SGCD: variants seen among roughly 807,000 people sequenced by gnomAD.
SGCD encodes the protein sarcoglycan delta.
SGCD carries 18 observed loss-of-function variants against 36.6 expected under a neutral mutation model. The ratio of observed to expected loss-of-function variants is 0.49; its 90% CI spans 0.34 to 0.73. SGCD has a LOEUF of 0.73. SGCD is among the 30% of genes least tolerant of loss of function. The pLI is 0.01. For missense variants in SGCD, 387 were observed against 346.7 expected, an observed-to-expected ratio of 1.12 and a Z score of -0.92; for synonymous variants, 133 against 130.6, an observed-to-expected ratio of 1.02 and a Z score of -0.12.
chr5:156,173,967 A>T (rs563761685), intron 3 of SGCD, among the ~76,000 whole-genome samples: 8 of 152,364 alleles, frequency 5.3e-5, no homozygotes, highest in Non-Finnish European at 1.0e-4. Context: ...TCATACACAT[A>T]CAATGAGCAT....
At chr5:156,270,324 T>C (rs1377523658) in intron 3 of SGCD, among the ~76,000 whole-genome samples, 1 of 152,198 alleles carries the variant, frequency 6.6e-6, no homozygotes, top group East Asian at 1.9e-4. Flanking sequence ...TTGTTCTTTT[T>C]GCTTAGGCCT....
the SGCD span, among the ~76,000 whole-genome samples, chr5:155,772,212 A>C: frequency 6.6e-6 from 1 of 152,164 alleles, no homozygotes; most frequent in Admixed American, 6.6e-5. Flanking sequence ...TCACTCTCAC[A>C]TATAAGGAGG....
At chr5:156,745,618 C>T (rs1756907159) in intron 7 of SGCD, among the ~76,000 whole-genome samples, 1 of 151,894 alleles carries the variant, frequency 6.6e-6, no homozygotes. Flanking sequence ...CAATGTAGAC[C>T]CACAGAGGCT....
chr5:156,086,464 G>A (rs1269607440), intron 1 of SGCD, among the ~76,000 whole-genome samples: 2 of 152,210 alleles, frequency 1.3e-5, no homozygotes, highest in African/African-American at 2.4e-5. Context: ...CAAAATGCAA[G>A]AGTTTAAGAA....
intron 1 of SGCD, among the ~76,000 whole-genome samples, chr5:155,896,158 T>C (rs923682896): frequency 2.6e-5 from 4 of 152,144 alleles, no homozygotes; most frequent in African/African-American, 9.7e-5. Context: ...GATTTTCAGT[T>C]TGGGTAAGTC....
chr5:156,021,881 G>T (rs754879348), intron 1 of SGCD, among the ~76,000 whole-genome samples: 2 of 152,134 alleles, frequency 1.3e-5, no homozygotes, highest in Non-Finnish European at 2.9e-5. Context: ...TCTTTATTCA[G>T]ATGTAATTCA....
intron 7 of SGCD, among the ~76,000 whole-genome samples, chr5:156,756,505 A>G (rs1211729418): frequency 1.3e-5 from 2 of 152,208 alleles, no homozygotes; most frequent in African/African-American, 2.4e-5. Flanking sequence ...GTGCCACTGC[A>G]CTCCAGCCTG....
chr5:156,343,082 A>G (rs556243814), intron 2 of SGCD, among the ~76,000 whole-genome samples: 6 of 149,890 alleles, frequency 4.0e-5, no homozygotes, highest in Admixed American at 3.3e-4. Flanking sequence ...TTTAGATTTT[A>G]TGTGTCCATT....
At chr5:156,612,136 T>A (rs1035867679) in intron 6 of SGCD, among the ~76,000 whole-genome samples, 1 of 152,226 alleles carries the variant, frequency 6.6e-6, no homozygotes, top group African/African-American at 2.4e-5. Context: ...GTTGTTTTGC[T>A]TTTTTATGTT....
chr5:156,423,557 C>T (rs1164829016), intron 3 of SGCD, among the ~76,000 whole-genome samples: 1 of 149,602 alleles, frequency 6.7e-6, no homozygotes, highest in Non-Finnish European at 1.5e-5. Context: ...TAATATCTAG[C>T]ATCATTTCTT....
At chr5:155,841,153 A>G in the SGCD span, among the ~76,000 whole-genome samples, 3 of 152,120 alleles carry the variant, frequency 2.0e-5, no homozygotes, top group African/African-American at 4.8e-5. Context: ...CTGAAGGGTC[A>G]CTGAAAATCA....
intron 7 of SGCD, among the ~76,000 whole-genome samples, chr5:156,724,390 G>T (rs1022033828): frequency 1.3e-5 from 2 of 152,166 alleles, no homozygotes; most frequent in Non-Finnish European, 2.9e-5. Context: ...AGATCACGAG[G>T]TCAGGAGATA....
intron 6 of SGCD, among the ~76,000 whole-genome samples, chr5:156,632,535 T>C (rs1399126587): frequency 1.3e-5 from 2 of 152,326 alleles, no homozygotes. Flanking sequence ...AAGCTTTATT[T>C]TTTATTGACC....
At chr5:156,505,791 A>G (rs961069771) in intron 3 of SGCD, among the ~76,000 whole-genome samples, 14 of 152,176 alleles carry the variant, frequency 9.2e-5, no homozygotes, top group African/African-American at 3.4e-4. Flanking sequence ...ACACACACAC[A>G]CACACACACA....
At chr5:155,962,443 C>T (rs1757810671) in intron 1 of SGCD, among the ~76,000 whole-genome samples, 1 of 152,104 alleles carries the variant, frequency 6.6e-6, no homozygotes, top group African/African-American at 2.4e-5. Flanking sequence ...TGAGGACTCG[C>T]ATTGCCCTCG....
chr5:156,273,234 T>A (rs1766225935), intron 3 of SGCD, among the ~76,000 whole-genome samples: 1 of 152,204 alleles, frequency 6.6e-6, no homozygotes. Context: ...TCCCTTACCA[T>A]TCCCTTAAGT....
At chr5:155,897,107 G>T (rs1756280906) in intron 1 of SGCD, among the ~76,000 whole-genome samples, 1 of 152,060 alleles carries the variant, frequency 6.6e-6, no homozygotes, top group South Asian at 2.1e-4. Context: ...TCATCTTAGT[G>T]CAAAAATCAC....
chr5:156,077,046 A>G (rs1398510389), intron 1 of SGCD, among the ~76,000 whole-genome samples: 1 of 152,216 alleles, frequency 6.6e-6, no homozygotes, highest in African/African-American at 2.4e-5. Flanking sequence ...CAATAAGTAT[A>G]CTTGGTCAAC....
At chr5:155,989,683 A>G (rs1410955956) in intron 1 of SGCD, among the ~76,000 whole-genome samples, 2 of 152,204 alleles carry the variant, frequency 1.3e-5, no homozygotes, top group Non-Finnish European at 2.9e-5. Flanking sequence ...AATAAATAAT[A>G]TAGCTTTCAA....
Sources: gnomAD v4.1 joint callset for allele counts (sites outside exome capture counted in the v4.1 genomes callset) on GRCh38, gnomAD v4.1.1 for gene constraint, MANE v1.5 for transcripts, NCBI Gene and HGNC (gene_info 2026-07-23, HGNC 2026-07-21) for gene names.